The following RNF150 variants were observed in gnomAD, a reference collection of about 807,000 sequenced individuals.
The protein encoded by RNF150 is ring finger protein 150.
In RNF150, 24 loss-of-function variants were observed where a neutral mutation model predicts 39.3. That is an observed-to-expected ratio of 0.61 (90% CI 0.44 to 0.86). The LOEUF (loss-of-function observed/expected upper bound fraction) is 0.86. RNF150 is among the 40% of genes least tolerant of loss of function. RNF150 has a pLI of 0.00. For synonymous variants in RNF150, 255 were observed against 227.3 expected (o/e 1.12, Z -1.10); for missense variants, 502 against 587.8 (o/e 0.85, Z 1.51).
At chr4:141,017,627 A>G (rs1323565829) in intron 1 of RNF150, among the ~76,000 whole-genome samples, 1 of 152,188 alleles carries the variant, frequency 6.6e-6, no homozygotes, top group East Asian at 1.9e-4. Context: ...TCAGCATCCT[A>G]AGATCCTTTG....
intron 1 of RNF150, among the ~76,000 whole-genome samples, chr4:141,077,111 A>T (rs1211988487): frequency 6.6e-6 from 1 of 152,180 alleles, no homozygotes; most frequent in Non-Finnish European, 1.5e-5. Context: ...AGAAGAAGTA[A>T]AAAAGGGGGA....
intron 1 of RNF150, among the ~76,000 whole-genome samples, chr4:141,144,954 T>C (rs990919785): frequency 6.6e-5 from 10 of 152,220 alleles, no homozygotes; most frequent in Non-Finnish European, 4.4e-5. Flanking sequence ...AATATTTATA[T>C]CTATAGGACA....
intron 1 of RNF150, among the ~76,000 whole-genome samples, chr4:141,170,998 G>A (rs1367948911): frequency 6.6e-6 from 1 of 152,066 alleles, no homozygotes; most frequent in Non-Finnish European, 1.5e-5. Flanking sequence ...ACACAAAGAG[G>A]AATACGAGAT....
At chr4:141,184,630 C>A (rs1727969096) in intron 1 of RNF150, among the ~76,000 whole-genome samples, 1 of 151,926 alleles carries the variant, frequency 6.6e-6, no homozygotes, top group African/African-American at 2.4e-5. Context: ...GTTTTTATGG[C>A]TTTAGGTCTT....
rs116333767 is a variant in RNF150, at chr4:141,180,395, C to A, written c.-6+32399G>T. On this transcript the variant is annotated intron_variant, in intron 1 of 7. Coordinates refer to the RNF150 transcript ENST00000420921. ...TCCTCTTACACTTCATTGGCCAGAA[C>A]TGGGTTTCATGCTACCCCAGCTAAA... 5.0e-3 allele frequency among the ~76,000 whole-genome samples: 769 copies of A among 152,286 alleles called. 5 individuals carry two copies. Among genetic ancestry groups the A allele is most frequent in the African/African-American group, 0.017 (711 of 41,554 alleles).
intron 6 of RNF150, among the ~76,000 whole-genome samples, chr4:140,908,680 A>AAAAC (rs1394654384): frequency 2.6e-5 from 4 of 152,172 alleles, no homozygotes; most frequent in Admixed American, 2.6e-4. Flanking sequence ...GTTTTATGCA[A>AAAAC]AAACAGTTTA....
chr4:141,149,386 C>G (rs1032033511), intron 1 of RNF150, among the ~76,000 whole-genome samples: 1 of 151,882 alleles, frequency 6.6e-6, no homozygotes, highest in Non-Finnish European at 1.5e-5. Context: ...CTCTTGCCCC[C>G]CTCCCACTCT....
chr4:141,106,794 CA>C (rs1254534540), intron 1 of RNF150, among the ~76,000 whole-genome samples: 2 of 151,028 alleles, frequency 1.3e-5, no homozygotes, highest in Non-Finnish European at 3.0e-5. Context: ...AATTCCATCT[CA>C]AAAAAAATAA....
At chr4:141,014,966 G>A (rs1224258220) in intron 1 of RNF150, among the ~76,000 whole-genome samples, 2 of 151,846 alleles carry the variant, frequency 1.3e-5, no homozygotes, top group Non-Finnish European at 2.9e-5. Flanking sequence ...TTATATTTAA[G>A]TTCTTAATCT....
intron 1 of RNF150, among the ~76,000 whole-genome samples, chr4:141,093,535 G>C (rs935513834): frequency 6.6e-6 from 1 of 152,108 alleles, no homozygotes; most frequent in Non-Finnish European, 1.5e-5. Context: ...ATCTCCTTTG[G>C]GTATTCCCCA....
At chr4:140,893,748 G>A (rs1729843526) in intron 6 of RNF150, among the ~76,000 whole-genome samples, 1 of 152,092 alleles carries the variant, frequency 6.6e-6, no homozygotes, top group Non-Finnish European at 1.5e-5. Flanking sequence ...ATGAAGAATT[G>A]AGAAGAACTG....
chr4:140,974,865 A>T (rs573390148), intron 1 of RNF150, among the ~76,000 whole-genome samples: 1 of 152,232 alleles, frequency 6.6e-6, no homozygotes, highest in Non-Finnish European at 1.5e-5. Flanking sequence ...GCGACCCTTC[A>T]TCAACACAGG....
intron 1 of RNF150, among the ~76,000 whole-genome samples, chr4:140,992,643 C>A (rs937314497): frequency 1.3e-5 from 2 of 152,084 alleles, no homozygotes; most frequent in African/African-American, 2.4e-5. Context: ...CTGGATATGA[C>A]AAGGCTTTCT....
At chr4:141,009,988 GT>G (rs1338056818) in intron 1 of RNF150, among the ~76,000 whole-genome samples, 2 of 152,204 alleles carry the variant, frequency 1.3e-5, no homozygotes, top group African/African-American at 4.8e-5. Flanking sequence ...CTGGATGCCT[GT>G]GAGAAATGTT....
In RNF150 at chr4:140,968,928, A is replaced by G. The variant is rs1279751609; in HGVS notation, c.485-1055T>C. On this transcript the variant is annotated intron_variant, in intron 1 of 6. Transcript: ENST00000515673. ...AATTCAAATCCAGGGAGAAAGATGC[A>G]AGATGATTAGGGCACAGAGGCCTCG... is the stretch of plus-strand genomic sequence containing the variant. Among the ~76,000 whole-genome samples, 3 of 152,114 alleles carry G rather than the reference A, an allele frequency of 2.0e-5. No individual in the cohort carries two copies. In the East Asian group the frequency reaches 5.8e-4, roughly 29 times the overall value.
chr4:140,928,347 G>T (rs1312626488), intron 4 of RNF150, among the ~76,000 whole-genome samples: 1 of 151,880 alleles, frequency 6.6e-6, no homozygotes, highest in Non-Finnish European at 1.5e-5. Flanking sequence ...GAAACCTAAG[G>T]GGTACATGGG....
intron 1 of RNF150, among the ~76,000 whole-genome samples, chr4:141,060,927 G>A (rs1472085457): frequency 6.6e-6 from 1 of 152,142 alleles, no homozygotes; most frequent in African/African-American, 2.4e-5. Flanking sequence ...TCATAAGTGG[G>A]AGTTGAACAA....
intron 6 of RNF150, among the ~76,000 whole-genome samples, chr4:140,885,464 T>C (rs1210905028): frequency 7.5e-6 from 1 of 133,476 alleles, no homozygotes; most frequent in African/African-American, 2.9e-5. Context: ...GAGACGGAGT[T>C]TTGCTCTTGT....
rs1293032370 is a variant in RNF150 at position 141,132,423 on chromosome 4, C to A, written c.386G>T (p.Arg129Met). Residue 129 changes from arginine to methionine, a missense_variant, in exon 1 of 7, where the codon AGG becomes ATG. Arg to Met is a moderately conservative substitution (Grantham distance 91, BLOSUM62 -1). Transcript: ENST00000515673. The surrounding 1 kb of genome is among the most constrained non-coding windows in gnomAD (Gnocchi z 4.9). ...CAGGAACGCGTTCCGGATCTTATCCCTGTACGTGCAGTTGCCCTTGGGGAT... is the reference window on the plus strand; with the variant it reads ...CAGGAACGCGTTCCGGATCTTATCCATGTACGTGCAGTTGCCCTTGGGGAT... Reference protein sequence around the residue: ...ALIPKGNCTYRDKIRNAFLQN... With the variant: ...ALIPKGNCTYMDKIRNAFLQN... 6.2e-7 allele frequency: 1 copy of A among 1,610,060 alleles called. No homozygotes were observed. Among genetic ancestry groups the A allele is most frequent in the South Asian group, 1.1e-5 (1 of 89,768 alleles).
Sources: gnomAD v4.1 joint callset for allele counts (sites outside exome capture counted in the v4.1 genomes callset) on GRCh38, gnomAD v4.1.1 for gene constraint, Gnocchi (gnomAD v3.1) non-coding constraint, MANE v1.5 for transcripts, NCBI Gene and HGNC (gene_info 2026-07-23, HGNC 2026-07-21) for gene names.